Variants in GAS2L3 observed in about 807,000 individuals in gnomAD.
GAS2L3 encodes the protein GAS2-like protein 3.
In GAS2L3, 28 loss-of-function variants were observed where a neutral mutation model predicts 37.0. That is an observed-to-expected ratio of 0.76 (90% CI 0.56 to 1.04). GAS2L3 has a LOEUF of 1.04. GAS2L3 is among the 50% of genes least tolerant of loss of function. GAS2L3 has a pLI of 0.00. For missense variants in GAS2L3, 793 were observed against 817.6 expected (o/e 0.97, Z 0.37); for synonymous variants, 290 against 296.6 (o/e 0.98, Z 0.23).
At chr12:100,586,188 G>A (rs1955779091) in intron 1 of GAS2L3, among the ~76,000 whole-genome samples, 1 of 152,086 alleles carries the variant, frequency 6.6e-6, no homozygotes, top group Admixed American at 6.6e-5. Context: ...AATCAACCAA[G>A]AAACAATGGA....
chr12:100,601,365 G>A (rs1012668370), intron 4 of GAS2L3, among the ~76,000 whole-genome samples: 1 of 151,956 alleles, frequency 6.6e-6, no homozygotes, highest in Non-Finnish European at 1.5e-5. Context: ...CTTGTGCAAG[G>A]AATATTAATA....
At chr12:100,588,629 G>A (rs747293704) in intron 1 of GAS2L3, among the ~76,000 whole-genome samples, 26 of 152,130 alleles carry the variant, frequency 1.7e-4, no homozygotes, top group Admixed American at 5.9e-4. Context: ...TACCAGGGCG[G>A]AGTTTTTTCC....
intron 1 of GAS2L3, among the ~76,000 whole-genome samples, chr12:100,581,995 A>G (rs184235171): frequency 6.6e-6 from 1 of 152,342 alleles, no homozygotes; most frequent in East Asian, 1.9e-4. Context: ...TTTTACATAA[A>G]TCTTAATTTT....
At chr12:100,616,575 A>G (rs1387001963) in intron 6 of GAS2L3, among the ~76,000 whole-genome samples, 1 of 151,716 alleles carries the variant, frequency 6.6e-6, no homozygotes, top group East Asian at 1.9e-4. Flanking sequence ...ATCTGGGATT[A>G]CAAGTGTGCA....
rs1302939972 is a variant in GAS2L3 at position 100,624,319 on chromosome 12, C to T, written c.1514C>T (p.Ala505Val). The change falls in exon 10 of 10, where the codon GCA becomes GTA. Residue 505 changes from alanine to valine, a missense_variant. Coordinates refer to ENST00000547754, the MANE Select transcript of GAS2L3 (RefSeq NM_174942.3). ...SSSKCPKLPKANIPVRPKPSF... is the reference protein window; with the variant it reads ...SSSKCPKLPKVNIPVRPKPSF... ...TCAAAATGTCCCAAGCTGCCTAAAG[C>T]AAATATACCTGTAAGACCTAAACCT... The T allele has an allele frequency of 6.2e-7, 1 of 1,614,018 alleles. No homozygotes were observed.
At chr12:100,610,502 T>C (rs1026876511) in intron 5 of GAS2L3, among the ~76,000 whole-genome samples, 1 of 145,352 alleles carries the variant, frequency 6.9e-6, no homozygotes. Flanking sequence ...ATAGTTTGTA[T>C]TTTGCTATTG....
rs200602616 is a variant in GAS2L3 at position 100,627,247 on chromosome 12, G to GT, written c.*2364dup. Among the ~76,000 whole-genome samples, 1,306 of 151,958 alleles carry GT rather than the reference G, an allele frequency of 8.6e-3. 13 individuals carry two copies. Among genetic ancestry groups the GT allele is most frequent in the African/African-American group, 0.028 (1,153 of 41,452 alleles). On this transcript the variant is annotated 3_prime_UTR_variant, in exon 10 of 10. Transcript: ENST00000547754. ...TAGCTTACCCTTCCAAAATAAAAGTGTTTTTTTAATGTTGTTTTGTTTTGT... is the reference window on the plus strand; with the variant it reads ...TAGCTTACCCTTCCAAAATAAAAGTGTTTTTTTTAATGTTGTTTTGTTTTGT...
At position 100,589,814 on chromosome 12, in the gene GAS2L3, A is replaced by G. The variant is rs1483187108; in HGVS notation, c.-151-1922A>G. 3.3e-5 allele frequency among the ~76,000 whole-genome samples: 5 copies of G among 152,278 alleles called. No homozygotes were observed. In the South Asian group the frequency reaches 6.2e-4, roughly 19 times the overall value. On this transcript the variant is annotated intron_variant, in intron 1 of 9. Transcript: ENST00000547754. ...TCTTTGACAAAGCAAACAAAAACAT[A>G]AAGTGGGGGAAAGGACACCCTTTTC...
At position 100,624,020 on chromosome 12, in the gene GAS2L3, A is replaced by C; in HGVS notation, c.1215A>C (p.Ser405=). 1 of 1,614,042 alleles carries C rather than the reference A, an allele frequency of 6.2e-7. No individual in the cohort carries two copies. Among genetic ancestry groups the C allele is most frequent in the Non-Finnish European group, 8.5e-7 (1 of 1,179,996 alleles). ...CTCCTTCAAACAATGCATCATCTTCACTTGCTTCATTAAATCCAGTAGGTA... is the reference window on the plus strand; with the variant it reads ...CTCCTTCAAACAATGCATCATCTTCCCTTGCTTCATTAAATCCAGTAGGTA... ...PQAPSNNASS[S]LASLNPVGKN... The change falls in exon 10 of 10, where the codon TCA becomes TCC. Residue 405 remains serine (S), a synonymous_variant. Transcript: ENST00000547754.
At chr12:100,592,898 A>G (rs947585894) in intron 2 of GAS2L3, among the ~76,000 whole-genome samples, 1 of 152,148 alleles carries the variant, frequency 6.6e-6, no homozygotes, top group Admixed American at 6.6e-5. Context: ...TAAGGACAAT[A>G]TGTTGCTAAT....
chr12:100,604,828 C>G (rs1014673300), intron 5 of GAS2L3, among the ~76,000 whole-genome samples: 3 of 151,950 alleles, frequency 2.0e-5, no homozygotes, highest in Admixed American at 6.6e-5. Flanking sequence ...TTATCAAATG[C>G]TTTTTCAACA....
Position 100,625,961 on chromosome 12 carries a change from A to G in GAS2L3, c.*1071A>G, listed in dbSNP as rs1956327977. 6.6e-6 allele frequency: 1 copy of G among 152,210 alleles called. No individual in the cohort carries two copies. Among genetic ancestry groups the G allele is most frequent in the Non-Finnish European group, 1.5e-5 (1 of 68,034 alleles). 9.4% of individuals were successfully genotyped at this position (152,210 alleles called of 1,614,324 possible). A position where few individuals can be genotyped will look rare whatever the true frequency, so the allele number is the denominator to read the frequency against. On this transcript the variant is annotated 3_prime_UTR_variant, in exon 10 of 10. Coordinates refer to ENST00000547754, the MANE Select transcript of GAS2L3 (RefSeq NM_174942.3). ...TGCCTTCAGTTTTCCAATGGCAAGT[A>G]GACAGGATATGTTCAAGGTTTTCTG...
At chr12:100,598,378 G>A (rs1955941106) in intron 3 of GAS2L3, among the ~76,000 whole-genome samples, 1 of 152,038 alleles carries the variant, frequency 6.6e-6, no homozygotes, top group Non-Finnish European at 1.5e-5. Flanking sequence ...CCTCAATTTG[G>A]ATTTGCTTGA....
chr12:100,590,440 G>A (rs888559428), intron 1 of GAS2L3, among the ~76,000 whole-genome samples: 2 of 152,188 alleles, frequency 1.3e-5, no homozygotes, highest in African/African-American at 4.8e-5. Context: ...TGGATGCGGT[G>A]AACAAGGAAC....
intron 5 of GAS2L3, among the ~76,000 whole-genome samples, chr12:100,609,252 CA>C (rs1005301318): frequency 6.6e-6 from 1 of 152,146 alleles, no homozygotes; most frequent in African/African-American, 2.4e-5. Flanking sequence ...TTGTAGCTAC[CA>C]ATACTGGGAA....
intron 1 of GAS2L3, among the ~76,000 whole-genome samples, chr12:100,584,588 T>G (rs1565797620): frequency 6.6e-6 from 1 of 152,258 alleles, no homozygotes; most frequent in Non-Finnish European, 1.5e-5. Flanking sequence ...TCTTTTTTTT[T>G]TTTGAGACAG....
Position 100,618,550 on chromosome 12 carries a change from C to T in GAS2L3, c.611C>T (p.Pro204Leu). The part of the protein sequence containing the change: ...TSGPEDSISI[P>L]KSCCRHEELH... ...GGGCCTGAAGATTCCATCAGCATTC[C>T]AAAATCATGCTGTCGGCATGAAGAG... Residue 204 changes from proline to leucine, a missense_variant, in exon 8 of 10, where the codon CCA becomes CTA. By Grantham distance (98) the Pro-to-Leu change is moderately conservative (BLOSUM62 -3). Coordinates refer to ENST00000547754, the MANE Select transcript of GAS2L3 (RefSeq NM_174942.3). The T allele has an allele frequency of 6.2e-7, 1 of 1,612,000 alleles. No individual in the cohort carries two copies. Among genetic ancestry groups the T allele is most frequent in the Non-Finnish European group, 8.5e-7 (1 of 1,179,112 alleles).
rs546880784 is a variant in GAS2L3 at position 100,604,555 on chromosome 12, C to T, written c.303+2802C>T. ...ATCATCTGCAAACAAGAATATTTAA[C>T]ATCCTCCTTTCCAGTTTGGATGCCA... is the stretch of plus-strand genomic sequence containing the variant. On this transcript the variant is annotated intron_variant, in intron 5 of 9. Coordinates refer to ENST00000547754, the MANE Select transcript of GAS2L3 (RefSeq NM_174942.3). Among the ~76,000 whole-genome samples, 15 of 139,454 alleles carry T rather than the reference C, an allele frequency of 1.1e-4. No homozygotes were observed. The South Asian group carries it at 3.1e-3, about 29-fold the overall frequency. 91.5% of individuals were successfully genotyped at this position (139,454 alleles called of 152,430 possible). A position where few individuals can be genotyped will look rare whatever the true frequency, so the allele number is the denominator to read the frequency against.
At chr12:100,588,719 C>T (rs1955810332) in intron 1 of GAS2L3, among the ~76,000 whole-genome samples, 1 of 152,042 alleles carries the variant, frequency 6.6e-6, no homozygotes, top group Non-Finnish European at 1.5e-5. Context: ...ACAGACATTC[C>T]CAGAGCAGCC....
Sources: gnomAD v4.1 joint callset for allele counts (sites outside exome capture counted in the v4.1 genomes callset) on GRCh38, gnomAD v4.1.1 for gene constraint, MANE v1.5 for transcripts, NCBI Gene and HGNC (gene_info 2026-07-23, HGNC 2026-07-21) for gene names.